Variants in VWA5A observed in about 807,000 individuals in gnomAD.
VWA5A encodes the protein von Willebrand factor A domain containing 5A.
VWA5A carries 77 observed loss-of-function variants against 84.6 expected under a neutral mutation model. The ratio of observed to expected loss-of-function variants is 0.91; its 90% CI spans 0.76 to 1.10. VWA5A has a LOEUF of 1.10. Ranked by LOEUF, VWA5A falls within the 50% of genes least tolerant of loss-of-function variation. The pLI is 0.00. For synonymous variants in VWA5A, 334 were observed against 350.1 expected, an observed-to-expected ratio of 0.95 and a Z score of 0.51; for missense variants, 973 against 963.0, an observed-to-expected ratio of 1.01 and a Z score of -0.14.
Position 124,119,042 on chromosome 11 carries a change from A to T in VWA5A, c.713A>T (p.His238Leu). 6.2e-7 allele frequency: 1 copy of T among 1,614,250 alleles called. No individual in the cohort carries two copies. The part of the protein sequence containing the change: ...VELLIYYNEV[H>L]TPSVVLEMGM... ...CTCCTGATTTACTACAATGAGGTGC[A>T]TACCCCCAGCGTGGTTTTGGAGATG... Residue 238 changes from histidine (H) to leucine (L), a missense_variant, in exon 7 of 19, where the codon CAT becomes CTT. Physicochemically the swap from His to Leu is moderately conservative, Grantham distance 99. Coordinates refer to ENST00000456829, the MANE Select transcript of VWA5A (RefSeq NM_001130142.2).
intron 3 of VWA5A, 22 bp from the exon 4 acceptor site, chr11:124,117,651 T>C: frequency 6.2e-7 from 1 of 1,614,202 alleles, no homozygotes; most frequent in South Asian, 1.1e-5. Context: ...CTTGATGAAC[T>C]TGAACTCTGG....
chr11:124,118,375 C>G lies in VWA5A; in HGVS notation c.433C>G (p.Leu145Val), dbSNP rs573043885. The G allele has an allele frequency of 2.5e-6, 4 of 1,614,238 alleles. No individual in the cohort carries two copies. The African/African-American group carries it at 5.3e-5, about 22-fold the overall frequency. Residue 145 changes from leucine to valine, a missense_variant, in exon 5 of 19, where the codon CTC (leucine) becomes GTC (valine). Leu to Val is a conservative substitution (Grantham distance 32, BLOSUM62 1). Coordinates refer to ENST00000456829, the MANE Select transcript of VWA5A (RefSeq NM_001130142.2). ...AGCAGATGGGGCTCTGCGCTTTGTGCTCCCAGCTGTCCTGAATCCTAGATA... is the reference window on the plus strand; with the variant it reads ...AGCAGATGGGGCTCTGCGCTTTGTGGTCCCAGCTGTCCTGAATCCTAGATA... Reference protein sequence around the residue: ...LEADGALRFVLPAVLNPRYQF... With the variant: ...LEADGALRFVVPAVLNPRYQF...
chr11:124,144,193 G>T (rs1398565587), intron 17 of VWA5A, among the ~76,000 whole-genome samples: 1 of 151,704 alleles, frequency 6.6e-6, no homozygotes, highest in African/African-American at 2.4e-5. Flanking sequence ...TAAAAAAAAA[G>T]AAAAACAACA....
intron 8 of VWA5A, 48 bp from the exon 9 acceptor site, chr11:124,123,318 T>A (rs753900318): frequency 6.3e-7 from 1 of 1,579,746 alleles, no homozygotes; most frequent in Non-Finnish European, 8.6e-7. Context: ...GCCCATGTGT[T>A]TTGGCGAGCC....
At chr11:124,117,468 C>T in intron 2 of VWA5A, 29 bp from the exon 3 acceptor site, 1 of 1,605,522 alleles carries the variant, frequency 6.2e-7, no homozygotes, top group African/African-American at 1.3e-5. Context: ...TCCAACATGT[C>T]CTCTGTTTGT....
chr11:124,118,145 T>G, intron 4 of VWA5A, 44 bp from the exon 5 acceptor site: 3 of 1,589,206 alleles, frequency 1.9e-6, no homozygotes, highest in Non-Finnish European at 2.6e-6. Flanking sequence ...CATGTCACCT[T>G]GGATGTTCCC....
rs752102612 is a variant in VWA5A, at chr11:124,117,483, T to A, written c.-15-14T>A. The stretch of plus-strand genomic sequence containing the variant: ...TCCAACATGTCCTCTGTTTGTGATA[T>A]GTCTTTTCTGCAGAAATCTTGCATC... On this transcript the variant is annotated splice_polypyrimidine_tract_variant and intron_variant, in intron 2 of 18. Transcript: ENST00000456829. 11 of 1,613,692 alleles carry A rather than the reference T, an allele frequency of 6.8e-6. No individual in the cohort carries two copies. Among genetic ancestry groups the A allele is most frequent in the African/African-American group, 1.3e-5 (1 of 74,926 alleles).
rs1864870072 is a variant in VWA5A at position 124,118,269 on chromosome 11, C to T, written c.327C>T (p.Val109=). 6.2e-7 allele frequency: 1 copy of T among 1,614,224 alleles called. No individual in the cohort carries two copies. Among genetic ancestry groups the T allele is most frequent in the Non-Finnish European group, 8.5e-7 (1 of 1,180,054 alleles). ...AGGGGGACAGCAGCTCCAGGGATGT[C>T]TTCTCTTGCAATGTGGGTAACCTCC... ...LLEGDSSSRD[V]FSCNVGNLQP... The change falls in exon 5 of 19, where the codon GTC becomes GTT. Residue 109 remains valine (V), a synonymous_variant. Coordinates refer to ENST00000456829, the MANE Select transcript of VWA5A (RefSeq NM_001130142.2).
At position 124,130,642 on chromosome 11, in the gene VWA5A, CT is replaced by C. The variant is rs1384315867; in HGVS notation, c.1245-4275del. ...CTTTTTGTAGGTCTCTAAGAATTTG[CT>C]TTGTGAATCTGTGTGCTCCTATATT... On this transcript the variant is annotated intron_variant, in intron 11 of 18. Coordinates refer to ENST00000456829, the MANE Select transcript of VWA5A (RefSeq NM_001130142.2). Among the ~76,000 whole-genome samples the C allele has an allele frequency of 5.9e-5, 9 of 152,174 alleles. No individual in the cohort carries two copies. In the East Asian group the frequency reaches 1.7e-3, roughly 29 times the overall value.
At chr11:124,118,017 A>G in intron 4 of VWA5A, 142 bp downstream of exon 4, 4 of 1,301,680 alleles carry the variant, frequency 3.1e-6, no homozygotes, top group Non-Finnish European at 1.0e-6. Flanking sequence ...CTCTTTTCTA[A>G]CTGCCATTTT....
rs1860816230 is a variant in VWA5A at position 124,146,073 on chromosome 11, T to C, written c.*128T>C. ...TTTTTGCCATAAAAGTAAAGGATGC[T>C]TACTCCACTTCGCTTCTCTGCTCCA... On this transcript the variant is annotated 3_prime_UTR_variant, in exon 19 of 19. Coordinates refer to ENST00000456829, the MANE Select transcript of VWA5A (RefSeq NM_001130142.2). The C allele has an allele frequency of 1.2e-5, 11 of 929,246 alleles. No homozygotes were observed. Among genetic ancestry groups the C allele is most frequent in the South Asian group, 1.1e-4 (6 of 57,008 alleles). 57.6% of individuals were successfully genotyped at this position (929,246 alleles called of 1,614,324 possible). A position where few individuals can be genotyped will look rare whatever the true frequency, so the allele number is the denominator to read the frequency against.
At chr11:124,123,241 C>T in intron 8 of VWA5A, 112 bp downstream of exon 8, 7 of 1,523,260 alleles carry the variant, frequency 4.6e-6, no homozygotes, top group Non-Finnish European at 5.3e-6. Context: ...CACCCTGAGG[C>T]TAGCCTTGGA....
intron 14 of VWA5A, 21 bp from the exon 15 acceptor site, chr11:124,136,994 C>T: frequency 7.7e-7 from 1 of 1,294,876 alleles, no homozygotes; most frequent in Non-Finnish European, 1.1e-6. Context: ...CATTTCAGTA[C>T]TTTTTTTTTT....
intron 7 of VWA5A, among the ~76,000 whole-genome samples, chr11:124,121,981 A>T (rs1591357433): frequency 6.6e-6 from 1 of 152,168 alleles, no homozygotes; most frequent in Non-Finnish European, 1.5e-5. Context: ...TTTTTGAACT[A>T]GTGTCCTATC....
intron 15 of VWA5A, among the ~76,000 whole-genome samples, chr11:124,137,876 T>C (rs920244428): frequency 1.3e-5 from 2 of 152,224 alleles, no homozygotes; most frequent in African/African-American, 4.8e-5. Context: ...TCTTTGTTTT[T>C]GAGACAGGGT....
In VWA5A at chr11:124,145,969, G is replaced by T. The variant is rs115607497; in HGVS notation, c.*24G>T. ...GAAGATACCATCCAGAAAAAGAAGT[G>T]CCTTTAATTTGCTACTGTCATTTCC... On this transcript the variant is annotated 3_prime_UTR_variant, in exon 19 of 19. Transcript: ENST00000456829. 7,412 of 1,568,112 alleles carry T rather than the reference G, an allele frequency of 4.7e-3. 293 individuals are homozygous for T. In the African/African-American group the frequency reaches 0.087, roughly 18 times the overall value.
At position 124,123,112 on chromosome 11, in the gene VWA5A, C is replaced by T. The variant is rs201440543; in HGVS notation, c.913C>T (p.Arg305Ter). 125 of 1,611,210 alleles carry T rather than the reference C, an allele frequency of 7.8e-5. No individual in the cohort carries two copies. Among genetic ancestry groups the T allele is most frequent in the Admixed American group, 1.0e-4 (6 of 59,454 alleles). ...PMSSQDTSQL[R>*]IQAAKETLIL... Reference sequence around the variant, plus strand: ...GAGTAGCCAGGATACATCTCAGCTGCGAATACAGGCAGCCAAGGTAAAGCT... The same window carrying T: ...GAGTAGCCAGGATACATCTCAGCTGTGAATACAGGCAGCCAAGGTAAAGCT... Residue 305 changes from arginine to a stop codon, truncating the protein, a stop_gained, in exon 8 of 19, where the codon CGA becomes TGA. Transcript: ENST00000456829. LOFTEE classifies it high-confidence loss of function.
chr11:124,135,529 T>TC (rs1245907930), intron 12 of VWA5A, among the ~76,000 whole-genome samples: 2 of 136,088 alleles, frequency 1.5e-5, no homozygotes, highest in Non-Finnish European at 3.1e-5. Flanking sequence ...TTTCTTTTTT[T>TC]TTTTTTTTTT....
chr11:124,118,526 T>A lies in VWA5A; in HGVS notation c.470-7T>A. 8 of 1,613,896 alleles carry A rather than the reference T, an allele frequency of 5.0e-6. No homozygotes were observed. The highest frequency in any genetic ancestry group is 6.8e-6 in the Non-Finnish European group (8 of 1,179,818). ...AAGGAAAACAGAACTAAGGTCATCT[T>A]TTATAGGGTCGTCTAAGGACAGTTG... On this transcript the variant is annotated splice_region_variant and splice_polypyrimidine_tract_variant and intron_variant, in intron 5 of 18. Coordinates refer to ENST00000456829, the MANE Select transcript of VWA5A (RefSeq NM_001130142.2).
Sources: gnomAD v4.1 joint callset for allele counts (sites outside exome capture counted in the v4.1 genomes callset) on GRCh38, gnomAD v4.1.1 for gene constraint, MANE v1.5 for transcripts, NCBI Gene and HGNC (gene_info 2026-07-23, HGNC 2026-07-21) for gene names.